The following PRKG1 variants were observed in gnomAD, a reference collection of about 807,000 sequenced individuals.
The protein encoded by PRKG1 is protein kinase cGMP-dependent 1, also known as cGMP-dependent protein kinase 1.
PRKG1 carries 35 observed loss-of-function variants against 88.1 expected under a neutral mutation model. That is an observed-to-expected ratio of 0.40 (90% confidence interval 0.30 to 0.53). The LOEUF is 0.53. Ranked by LOEUF, PRKG1 falls within the 20% of genes least tolerant of loss-of-function variation. The probability of loss-of-function intolerance (pLI) is 0.59; values close to 1 mark genes in which losing one functional copy is unlikely to be tolerated. For synonymous variants in PRKG1, 303 were observed against 292.5 expected, an observed-to-expected ratio of 1.04 and a Z score of -0.37; for missense variants, 540 against 839.8, an observed-to-expected ratio of 0.64 and a Z score of 4.41.
At chr10:51,289,782 G>T (rs545266428) in intron 2 of PRKG1, among the ~76,000 whole-genome samples, 8 of 152,080 alleles carry the variant, frequency 5.3e-5, no homozygotes, top group Admixed American at 3.9e-4. Flanking sequence ...GATACTCCAA[G>T]AAACATTCAC....
At chr10:52,106,130 A>G (rs1847416216) in intron 7 of PRKG1, among the ~76,000 whole-genome samples, 1 of 152,198 alleles carries the variant, frequency 6.6e-6, no homozygotes, top group African/African-American at 2.4e-5. Context: ...TCCACCCAGA[A>G]TGCTTATTTT....
intron 2 of PRKG1, among the ~76,000 whole-genome samples, chr10:51,439,376 C>G (rs1839031034): frequency 1.3e-5 from 2 of 151,820 alleles, no homozygotes; most frequent in African/African-American, 4.8e-5. Context: ...ATCTTAAACT[C>G]TGCCTCACTG....
intron 5 of PRKG1, among the ~76,000 whole-genome samples, chr10:51,949,627 G>T (rs999655554): frequency 6.6e-6 from 1 of 152,144 alleles, no homozygotes; most frequent in Non-Finnish European, 1.5e-5. Context: ...AGGTATCAGA[G>T]ATAAGATTGG....
chr10:52,181,482 T>C (rs868654162), intron 9 of PRKG1, among the ~76,000 whole-genome samples: 3 of 129,482 alleles, frequency 2.3e-5, no homozygotes, highest in African/African-American at 6.0e-5. Flanking sequence ...GTGCACATTG[T>C]GCAGGTTAGT....
chr10:51,201,088 T>C (rs1462221254), intron 2 of PRKG1, among the ~76,000 whole-genome samples: 1 of 152,130 alleles, frequency 6.6e-6, no homozygotes, highest in Non-Finnish European at 1.5e-5. Flanking sequence ...TCTCTAAGAG[T>C]GACAAACTGT....
At chr10:51,806,398 G>T (rs1029198751) in intron 4 of PRKG1, among the ~76,000 whole-genome samples, 1 of 152,230 alleles carries the variant, frequency 6.6e-6, no homozygotes, top group Non-Finnish European at 1.5e-5. Flanking sequence ...ACGCACGTGT[G>T]TATGTGTGTG....
At chr10:51,205,137 T>A (rs1453827359) in intron 2 of PRKG1, among the ~76,000 whole-genome samples, 9 of 97,900 alleles carry the variant, frequency 9.2e-5, no homozygotes, top group African/African-American at 4.9e-4. Context: ...CTTTTTTTTT[T>A]TTTTTTTTTT....
chr10:52,049,679 A>G (rs1845941774), intron 5 of PRKG1, among the ~76,000 whole-genome samples: 1 of 152,106 alleles, frequency 6.6e-6, no homozygotes, highest in Non-Finnish European at 1.5e-5. Flanking sequence ...AACAAGGGAA[A>G]AAAACAATGG....
chr10:51,375,685 A>T (rs1842802030), intron 2 of PRKG1, among the ~76,000 whole-genome samples: 1 of 152,176 alleles, frequency 6.6e-6, no homozygotes, highest in Non-Finnish European at 1.5e-5. Context: ...TCCTACCCTG[A>T]TGCTGATTAC....
In PRKG1 at chr10:51,472,353, C is replaced by G. The variant is rs377291035; in HGVS notation, c.592+4517C>G. Among the ~76,000 whole-genome samples, 8 of 151,932 alleles carry G rather than the reference C, an allele frequency of 5.3e-5. No individual in the cohort carries two copies. In the South Asian group the frequency reaches 1.7e-3, roughly 32 times the overall value. On this transcript the variant is annotated intron_variant, in intron 3 of 17. Coordinates refer to ENST00000373980, the MANE Select transcript of PRKG1 (RefSeq NM_006258.4). ...AGAAAAATCTGCTGACTGTCGAAAA[C>G]CTAAATGATGAATGAGAATTAAGTA... is the stretch of plus-strand genomic sequence containing the variant.
intron 2 of PRKG1, among the ~76,000 whole-genome samples, chr10:51,248,039 T>C (rs1408619568): frequency 6.6e-6 from 1 of 151,876 alleles, no homozygotes; most frequent in Admixed American, 6.6e-5. Flanking sequence ...GTAGGGGAAA[T>C]GTTAAACAAC....
At chr10:51,275,265 T>C (rs1481096521) in intron 2 of PRKG1, among the ~76,000 whole-genome samples, 1 of 152,252 alleles carries the variant, frequency 6.6e-6, no homozygotes, top group Non-Finnish European at 1.5e-5. Context: ...GTTATAATTT[T>C]AATTGCCTAT....
chr10:51,739,283 A>G (rs1246080208), intron 3 of PRKG1, among the ~76,000 whole-genome samples: 2 of 152,172 alleles, frequency 1.3e-5, no homozygotes, highest in African/African-American at 4.8e-5. Flanking sequence ...TAAGGACATT[A>G]TTCTCCTATG....
At chr10:51,452,352 G>T (rs777050671) in intron 2 of PRKG1, among the ~76,000 whole-genome samples, 4 of 151,814 alleles carry the variant, frequency 2.6e-5, no homozygotes, top group Non-Finnish European at 4.4e-5. Flanking sequence ...TACAAGTGGG[G>T]ATCCTTGTCT....
intron 2 of PRKG1, among the ~76,000 whole-genome samples, chr10:51,343,164 T>C (rs1842038818): frequency 6.6e-6 from 1 of 152,204 alleles, no homozygotes; most frequent in Non-Finnish European, 1.5e-5. Context: ...TTCAACAACA[T>C]AGATCAGTAA....
chr10:51,574,269 AC>A (rs1198819716), intron 3 of PRKG1, among the ~76,000 whole-genome samples: 1 of 151,932 alleles, frequency 6.6e-6, no homozygotes, highest in African/African-American at 2.4e-5. Flanking sequence ...CTGAAAGGAG[AC>A]AAAAAATGAT....
intron 5 of PRKG1, among the ~76,000 whole-genome samples, chr10:52,035,734 G>A (rs570756299): frequency 4.1e-4 from 63 of 152,228 alleles, no homozygotes; most frequent in African/African-American, 1.3e-3. Flanking sequence ...GAAAGTATGT[G>A]CGTCAGGTAT....
chr10:51,143,494 C>T (rs1265181060), intron 1 of PRKG1, among the ~76,000 whole-genome samples: 1 of 151,958 alleles, frequency 6.6e-6, no homozygotes, highest in Non-Finnish European at 1.5e-5. Context: ...TGGGTATATA[C>T]CCAGTAGTGG....
rs35117709 is a variant in PRKG1, at chr10:51,970,001, TACACACACACACACACACACAC to T, written c.762+62460_762+62481del. On this transcript the variant is annotated intron_variant, in intron 5 of 17. Coordinates refer to ENST00000373980, the MANE Select transcript of PRKG1 (RefSeq NM_006258.4). Reference sequence around the variant, plus strand: ...TTGCTTTATTTGCCCATTCTCTTCATACACACACACACACACACACACACACACACACACACACACACACACA... The same window carrying T: ...TTGCTTTATTTGCCCATTCTCTTCATACACACACACACACACACACACACA... 1.0e-3 allele frequency among the ~76,000 whole-genome samples: 145 copies of T among 144,576 alleles called. 1 individual carries two copies. The highest frequency in any genetic ancestry group is 3.5e-3 in the Middle Eastern group (1 of 288). 94.8% of individuals were successfully genotyped at this position (144,576 alleles called of 152,430 possible).
Sources: allele counts gnomAD v4.1 joint callset (sites outside exome capture counted in the v4.1 genomes callset), GRCh38; gene constraint gnomAD v4.1.1; transcripts MANE v1.5; gene names NCBI Gene and HGNC (gene_info 2026-07-23, HGNC 2026-07-21).